Variants in RNF152 observed in about 807,000 individuals in gnomAD.
The protein encoded by RNF152 is E3 ubiquitin-protein ligase RNF152.
In RNF152, 11 loss-of-function variants were observed where a neutral mutation model predicts 12.7. The observed-to-expected ratio is 0.86, with a 90% CI of 0.54 to 1.43. The LOEUF is 1.43. Among genes scored for constraint, RNF152 ranks in the 40% most tolerant of loss-of-function variants. The pLI is 0.00. For synonymous variants in RNF152, 113 were observed against 120.3 expected (o/e 0.94, Z 0.40); for missense variants, 255 against 274.8 (o/e 0.93, Z 0.51).
chr18:61,882,135 T>C (rs527610344), intron 1 of RNF152, among the ~76,000 whole-genome samples: 14 of 152,318 alleles, frequency 9.2e-5, no homozygotes. Context: ...GGATTTTGGA[T>C]TTTCAGATGT....
intron 1 of RNF152, among the ~76,000 whole-genome samples, chr18:61,826,203 G>A (rs1296024617): frequency 1.3e-5 from 2 of 152,172 alleles, no homozygotes; most frequent in Non-Finnish European, 2.9e-5. Flanking sequence ...AAGACTTGTG[G>A]GGCATCCCTT....
chr18:61,885,964 T>C (rs1912672928), intron 1 of RNF152, among the ~76,000 whole-genome samples: 1 of 133,430 alleles, frequency 7.5e-6, no homozygotes, highest in African/African-American at 2.7e-5. Context: ...AGGTTTTTTT[T>C]CTTTTGCTTT....
intron 1 of RNF152, among the ~76,000 whole-genome samples, chr18:61,823,622 A>G (rs757866297): frequency 6.6e-6 from 1 of 152,272 alleles, no homozygotes; most frequent in Non-Finnish European, 1.5e-5. Flanking sequence ...AGATGTTTAC[A>G]TATTTAAACA....
chr18:61,820,283 C>T (rs571144893), intron 1 of RNF152, among the ~76,000 whole-genome samples: 1 of 133,744 alleles, frequency 7.5e-6, no homozygotes, highest in African/African-American at 2.8e-5. Flanking sequence ...GAGCAGAGAT[C>T]GCACCACTGC....
chr18:61,871,545 C>T (rs1349548295), intron 1 of RNF152, among the ~76,000 whole-genome samples: 3 of 152,164 alleles, frequency 2.0e-5, no homozygotes, highest in African/African-American at 7.2e-5. Context: ...GGTTACTGCC[C>T]TCAGCCGACC....
At chr18:61,880,232 T>C (rs1314344590) in intron 1 of RNF152, among the ~76,000 whole-genome samples, 1 of 152,142 alleles carries the variant, frequency 6.6e-6, no homozygotes, top group East Asian at 1.9e-4. Flanking sequence ...ATTCTCTAAG[T>C]CAACATCAAA....
At position 61,816,193 on chromosome 18, in the gene RNF152, A is replaced by G; in HGVS notation, c.271T>C (p.Phe91Leu). Residue 91 changes from phenylalanine (F) to leucine (L), a missense_variant, in exon 2 of 2, where the codon TTC becomes CTC. By Grantham distance (22) the Phe-to-Leu change is conservative. Coordinates refer to ENST00000312828, the MANE Select transcript of RNF152 (RefSeq NM_173557.3). Reference sequence around the variant, plus strand: ...CACCCATTGCTGGGAAGTTTGATGAAGACCGGGGTGTGTTCGGAAGTGTGT... The same window carrying G: ...CACCCATTGCTGGGAAGTTTGATGAGGACCGGGGTGTGTTCGGAAGTGTGT... ...IPHTSEHTPV[F>L]IKLPSNGCYM... The G allele has an allele frequency of 6.2e-7, 1 of 1,614,236 alleles. No homozygotes were observed. Among genetic ancestry groups the G allele is most frequent in the South Asian group, 1.1e-5 (1 of 91,086 alleles).
chr18:61,843,852 T>G (rs915585988), intron 1 of RNF152, among the ~76,000 whole-genome samples: 1 of 151,888 alleles, frequency 6.6e-6, no homozygotes, highest in Non-Finnish European at 1.5e-5. Context: ...TTTTACAAGA[T>G]GAAAAGAGTT....
upstream of RNF152, chr18:61,893,787 G>C (rs1290191800): frequency 3.3e-5 from 5 of 151,994 alleles, no homozygotes; most frequent in African/African-American, 1.2e-4. Flanking sequence ...GCGCGGGCAC[G>C]AGGAAAGCTC....
At chr18:61,876,858 T>C (rs1014553151) in intron 1 of RNF152, among the ~76,000 whole-genome samples, 7 of 152,172 alleles carry the variant, frequency 4.6e-5, no homozygotes, top group African/African-American at 1.7e-4. Flanking sequence ...ATTATGCAAA[T>C]GCTTTATATG....
chr18:61,871,740 A>T (rs148376059), intron 1 of RNF152, among the ~76,000 whole-genome samples: 4 of 152,170 alleles, frequency 2.6e-5, no homozygotes, highest in Admixed American at 6.5e-5. Flanking sequence ...GGTAGGGACA[A>T]CTCATGGCCC....
chr18:61,826,464 C>T (rs1348802354), intron 1 of RNF152, among the ~76,000 whole-genome samples: 1 of 152,164 alleles, frequency 6.6e-6, no homozygotes, highest in Non-Finnish European at 1.5e-5. Context: ...CCTATTTGTT[C>T]TTCCCATACA....
At chr18:61,837,204 T>C (rs953432466) in intron 1 of RNF152, among the ~76,000 whole-genome samples, 1 of 152,152 alleles carries the variant, frequency 6.6e-6, no homozygotes, top group African/African-American at 2.4e-5. Flanking sequence ...ACTCTCAATG[T>C]CATGGAAAGG....
Position 61,867,930 on chromosome 18 carries a change from A to G in RNF152, c.-136+24865T>C, listed in dbSNP as rs559851405. Among the ~76,000 whole-genome samples the G allele has an allele frequency of 5.9e-5, 9 of 152,342 alleles. No homozygotes were observed. In the South Asian group the frequency reaches 1.9e-3, roughly 32 times the overall value. On this transcript the variant is annotated intron_variant, in intron 1 of 1. Coordinates refer to ENST00000312828, the MANE Select transcript of RNF152 (RefSeq NM_173557.3). Reference sequence around the variant, plus strand: ...CACATAAAAATACAACTTTACTATTATGTAAATTTAACCTTAAACAAATAT... The same window carrying G: ...CACATAAAAATACAACTTTACTATTGTGTAAATTTAACCTTAAACAAATAT...
At chr18:61,871,648 T>C (rs1213462362) in intron 1 of RNF152, among the ~76,000 whole-genome samples, 8 of 152,312 alleles carry the variant, frequency 5.3e-5, no homozygotes, top group Admixed American at 3.3e-4. Flanking sequence ...TGGGATTGTA[T>C]GGCAGTGGTT....
chr18:61,863,192 T>C (rs980353986), intron 1 of RNF152, among the ~76,000 whole-genome samples: 4 of 152,112 alleles, frequency 2.6e-5, no homozygotes, highest in African/African-American at 9.7e-5. Flanking sequence ...TCCCAGCATT[T>C]GGAAGGCCGA....
At chr18:61,851,109 C>T (rs908653252) in intron 1 of RNF152, among the ~76,000 whole-genome samples, 1 of 143,000 alleles carries the variant, frequency 7.0e-6, no homozygotes, top group African/African-American at 2.8e-5. Flanking sequence ...AAAAAAAAAA[C>T]TTATGATCTG....
intron 1 of RNF152, among the ~76,000 whole-genome samples, chr18:61,885,154 C>T (rs976637615): frequency 3.9e-5 from 6 of 152,192 alleles, no homozygotes; most frequent in African/African-American, 1.4e-4. Flanking sequence ...TGTCCATGTG[C>T]TCACCAACCA....
chr18:61,843,043 A>C (rs927942819), intron 1 of RNF152, among the ~76,000 whole-genome samples: 2 of 152,204 alleles, frequency 1.3e-5, no homozygotes, highest in Non-Finnish European at 2.9e-5. Flanking sequence ...ACAGAATGGA[A>C]GTGGTTTAAA....
Sources: allele counts gnomAD v4.1 joint callset (sites outside exome capture counted in the v4.1 genomes callset), GRCh38; gene constraint gnomAD v4.1.1; transcripts MANE v1.5; gene names NCBI Gene and HGNC (gene_info 2026-07-23, HGNC 2026-07-21).